The following PDE4D variants were observed in gnomAD, a reference collection of about 807,000 sequenced individuals.
The protein encoded by PDE4D is 3',5'-cyclic-AMP phosphodiesterase 4D.
In PDE4D, 24 loss-of-function variants were observed where a neutral mutation model predicts 87.4. That is an observed-to-expected ratio of 0.27 (90% CI 0.20 to 0.39). PDE4D has a LOEUF of 0.39. Among genes scored for constraint, PDE4D ranks in the 10% least tolerant of loss-of-function variants. PDE4D has a pLI of 1.00. For synonymous variants in PDE4D, 384 were observed against 383.2 expected (o/e 1.00, Z -0.02); for missense variants, 714 against 1,041.0 (o/e 0.69, Z 4.32).
intron 1 of PDE4D, among the ~76,000 whole-genome samples, chr5:60,334,469 C>G (rs1440609190): frequency 6.6e-6 from 1 of 152,088 alleles, no homozygotes. Context: ...TCGCAGTGAT[C>G]CCAGTAGCCA....
intron 1 of PDE4D, among the ~76,000 whole-genome samples, chr5:60,204,432 G>C (rs1039591899): frequency 6.6e-6 from 1 of 152,136 alleles, no homozygotes; most frequent in Non-Finnish European, 1.5e-5. Context: ...AGCTCTATAC[G>C]AATGGGCATT....
At chr5:59,909,521 G>A (rs948864156) in intron 3 of PDE4D, among the ~76,000 whole-genome samples, 2 of 152,006 alleles carry the variant, frequency 1.3e-5, no homozygotes, top group African/African-American at 2.4e-5. Flanking sequence ...TCAGCATCCC[G>A]AGCAGCGGGA....
chr5:59,419,303 T>C (rs981806653), intron 1 of PDE4D, among the ~76,000 whole-genome samples: 4 of 152,222 alleles, frequency 2.6e-5, no homozygotes, highest in Non-Finnish European at 4.4e-5. Context: ...TCGACTTTGA[T>C]TTTTTTGAAG....
At chr5:59,891,551 AC>A (rs760674620) in intron 1 of PDE4D, among the ~76,000 whole-genome samples, 22 of 152,150 alleles carry the variant, frequency 1.4e-4, no homozygotes, top group Admixed American at 2.6e-4. Context: ...GAAAAATGAA[AC>A]TTTTATATTA....
chr5:60,000,837 A>T (rs1763949682), intron 2 of PDE4D, among the ~76,000 whole-genome samples: 1 of 152,160 alleles, frequency 6.6e-6, no homozygotes, highest in African/African-American at 2.4e-5. Flanking sequence ...GCTAACTATG[A>T]TATCCTAAAA....
At chr5:60,250,731 T>C (rs1288647958) in intron 1 of PDE4D, among the ~76,000 whole-genome samples, 5 of 152,074 alleles carry the variant, frequency 3.3e-5, no homozygotes, top group South Asian at 2.1e-4. Flanking sequence ...TAACAAATAA[T>C]GGTTACTAAT....
At chr5:59,175,474 T>A in intron 5 of PDE4D, among the ~76,000 whole-genome samples, 1 of 13,544 alleles carries the variant, frequency 7.4e-5, no homozygotes, top group South Asian at 1.1e-3. Context: ...TTTCTTTCTT[T>A]TTTTTTTTTT....
chr5:59,707,830 G>A (rs1442406279), intron 1 of PDE4D, among the ~76,000 whole-genome samples: 1 of 152,108 alleles, frequency 6.6e-6, no homozygotes, highest in Non-Finnish European at 1.5e-5. Context: ...TGGTGTGTAT[G>A]TACCACATTT....
chr5:59,001,874 T>C (rs1435448229), intron 6 of PDE4D, among the ~76,000 whole-genome samples: 2 of 152,230 alleles, frequency 1.3e-5, no homozygotes, highest in Non-Finnish European at 2.9e-5. Flanking sequence ...AATCTATGAC[T>C]CTTTCCTACC....
intron 2 of PDE4D, among the ~76,000 whole-genome samples, chr5:60,105,786 A>T (rs1223308480): frequency 1.3e-5 from 2 of 152,174 alleles, no homozygotes; most frequent in African/African-American, 4.8e-5. Context: ...AAGGAGAAAT[A>T]AAATCCTTTA....
At chr5:59,035,197 C>T (rs1384557468) in intron 6 of PDE4D, among the ~76,000 whole-genome samples, 1 of 152,216 alleles carries the variant, frequency 6.6e-6, no homozygotes, top group East Asian at 1.9e-4. Flanking sequence ...ACCCTTATTA[C>T]ATTTCACATG....
chr5:59,011,679 T>C (rs1453220795), intron 6 of PDE4D, among the ~76,000 whole-genome samples: 3 of 152,190 alleles, frequency 2.0e-5, no homozygotes, highest in Non-Finnish European at 4.4e-5. Context: ...CTACATCTGA[T>C]TGGTGTACCT....
intron 1 of PDE4D, among the ~76,000 whole-genome samples, chr5:59,789,806 G>T (rs748926200): frequency 2.1e-4 from 32 of 152,114 alleles, no homozygotes; most frequent in Non-Finnish European, 4.3e-4. Context: ...GTTCTTCTAG[G>T]AGTAGAGTCA....
At chr5:59,096,155 G>T (rs537880151) in intron 5 of PDE4D, among the ~76,000 whole-genome samples, 1 of 152,212 alleles carries the variant, frequency 6.6e-6, no homozygotes, top group Non-Finnish European at 1.5e-5. Context: ...ATGAGGATGA[G>T]GAACTAAGTT....
intron 1 of PDE4D, among the ~76,000 whole-genome samples, chr5:60,317,987 T>C (rs1190101245): frequency 6.6e-6 from 1 of 152,224 alleles, no homozygotes; most frequent in Non-Finnish European, 1.5e-5. Context: ...GAGAGTTCTG[T>C]AGATGTCTAT....
At chr5:59,235,485 A>G (rs2153519436) in intron 1 of PDE4D, among the ~76,000 whole-genome samples, 1 of 152,306 alleles carries the variant, frequency 6.6e-6, no homozygotes, top group East Asian at 1.9e-4. Context: ...AAGGAGGGCA[A>G]TGATGTGCCT....
chr5:60,153,827 CA>C (rs2149446742), intron 2 of PDE4D, among the ~76,000 whole-genome samples: 1 of 152,104 alleles, frequency 6.6e-6, no homozygotes, highest in African/African-American at 2.4e-5. Flanking sequence ...CTCAGAGAAA[CA>C]GAGTAAAACA....
chr5:59,744,050 A>C (rs912045288), intron 1 of PDE4D, among the ~76,000 whole-genome samples: 5 of 152,278 alleles, frequency 3.3e-5, no homozygotes, highest in Non-Finnish European at 5.9e-5. Context: ...CAGCTTGTTA[A>C]CCAATAGTTC....
At chr5:59,755,984 C>T (rs1309850850) in intron 1 of PDE4D, among the ~76,000 whole-genome samples, 1 of 151,296 alleles carries the variant, frequency 6.6e-6, no homozygotes, top group Non-Finnish European at 1.5e-5. Flanking sequence ...TCTCAAATTA[C>T]TGCAATTTAA....
Sources: gnomAD v4.1 joint callset for allele counts (sites outside exome capture counted in the v4.1 genomes callset) on GRCh38, gnomAD v4.1.1 for gene constraint, MANE v1.5 for transcripts, NCBI Gene and HGNC (gene_info 2026-07-23, HGNC 2026-07-21) for gene names.